The following ADAD1 variants were observed in gnomAD, a reference collection of about 807,000 sequenced individuals.
ADAD1 encodes the protein adenosine deaminase domain containing 1.
A neutral mutation model predicts 66.8 loss-of-function variants in ADAD1; 46 were observed. The ratio of observed to expected loss-of-function variants is 0.69; its 90% CI spans 0.54 to 0.88. The LOEUF is 0.88. ADAD1 is among the 40% of genes least tolerant of loss of function. ADAD1 has a pLI of 0.00. For missense variants in ADAD1, 617 were observed against 681.8 expected (o/e 0.91, Z 1.06); for synonymous variants, 248 against 229.4 (o/e 1.08, Z -0.73).
chr4:122,388,605 A>G (rs1343529967), intron 5 of ADAD1, among the ~76,000 whole-genome samples: 2 of 152,148 alleles, frequency 1.3e-5, no homozygotes, highest in Non-Finnish European at 2.9e-5. Context: ...GGGAGGTTGT[A>G]TGCATCCAGG....
intron 12 of ADAD1, among the ~76,000 whole-genome samples, chr4:122,422,026 C>T (rs1298462979): frequency 6.6e-5 from 10 of 151,332 alleles, no homozygotes; most frequent in East Asian, 3.9e-4. Flanking sequence ...CTCATATATA[C>T]GTATTTGTGT....
chr4:122,396,786 T>C (rs915533457), intron 7 of ADAD1, among the ~76,000 whole-genome samples: 3 of 152,246 alleles, frequency 2.0e-5, no homozygotes, highest in African/African-American at 7.2e-5. Context: ...AGTTCATCAT[T>C]AATTAAAACC....
chr4:122,393,635 A>C lies in ADAD1; in HGVS notation c.576A>C (p.Ala192=). Residue 192 remains alanine, a synonymous_variant, in exon 6 of 13, where the codon GCA becomes GCC. Coordinates refer to ENST00000296513, the MANE Select transcript of ADAD1 (RefSeq NM_139243.4). ...AACCTGTTGTTTTATCTGAACTAGC[A>C]TATGTTTCAAAAGTACATTATGGTA... The part of the protein sequence containing the change: ...PAEPVVLSEL[A]YVSKVHYEGR... 1 of 1,602,828 alleles carries C rather than the reference A, an allele frequency of 6.2e-7. No individual in the cohort carries two copies. Among genetic ancestry groups the C allele is most frequent in the South Asian group, 1.1e-5 (1 of 88,264 alleles).
At chr4:122,403,862 G>A (rs1303979925) in intron 7 of ADAD1, among the ~76,000 whole-genome samples, 1 of 152,076 alleles carries the variant, frequency 6.6e-6, no homozygotes, top group African/African-American at 2.4e-5. Flanking sequence ...CCACGGTGGG[G>A]AATGGCAGGA....
At chr4:122,397,823 T>C (rs1795787057) in intron 7 of ADAD1, among the ~76,000 whole-genome samples, 1 of 152,200 alleles carries the variant, frequency 6.6e-6, no homozygotes, top group African/African-American at 2.4e-5. Flanking sequence ...TAGAAGCTAG[T>C]GTGAAGCTGA....
chr4:122,405,679 C>T (rs748190603), intron 7 of ADAD1, among the ~76,000 whole-genome samples: 3 of 152,168 alleles, frequency 2.0e-5, no homozygotes, highest in Non-Finnish European at 4.4e-5. Context: ...CATTAGGTCT[C>T]CAGGAGTTAT....
chr4:122,418,075 AAAAC>A (rs1394462455), intron 11 of ADAD1, among the ~76,000 whole-genome samples: 1 of 152,136 alleles, frequency 6.6e-6, no homozygotes, highest in African/African-American at 2.4e-5. Context: ...AGAGCTTTAA[AAAAC>A]AAAAAAGTCA....
In ADAD1 at chr4:122,422,979, AG is replaced by A. The variant is rs1233437969; in HGVS notation, c.1617+1590del. Among the ~76,000 whole-genome samples the A allele has an allele frequency of 2.3e-3, 313 of 134,130 alleles. 2 individuals carry two copies. Among genetic ancestry groups the A allele is most frequent in the Non-Finnish European group, 3.5e-3 (220 of 63,626 alleles). The allele number at this position is 134,130 out of a possible 152,430, so 88.0% of individuals were successfully genotyped here. ...TTTAAAAAAAAAAAAAAAAAAAAAAAGAAGAAGAAGAAGAAGAAGGAAAAAC... is the reference window on the plus strand; with the variant it reads ...TTTAAAAAAAAAAAAAAAAAAAAAAAAAGAAGAAGAAGAAGAAGGAAAAAC... On this transcript the variant is annotated intron_variant, in intron 12 of 12. Coordinates refer to ENST00000296513, the MANE Select transcript of ADAD1 (RefSeq NM_139243.4).
intron 11 of ADAD1, among the ~76,000 whole-genome samples, chr4:122,419,370 G>A (rs1356260784): frequency 3.3e-5 from 5 of 152,142 alleles, no homozygotes; most frequent in African/African-American, 1.2e-4. Context: ...ACACAGTGAG[G>A]CCTTTCAGAT....
chr4:122,398,931 A>C (rs1253004162), intron 7 of ADAD1, among the ~76,000 whole-genome samples: 1 of 150,988 alleles, frequency 6.6e-6, no homozygotes, highest in Non-Finnish European at 1.5e-5. Context: ...TTGTCTGATT[A>C]CTCTGCTGAT....
In ADAD1 at chr4:122,380,080, A is replaced by T; in HGVS notation, c.11A>T (p.Asn4Ile). MAS[N>I]NHWFQSSQVP... is the part of the protein sequence containing the mutation. Reference sequence around the variant, plus strand: ...CCTCTAGGTGAGAAAATGGCTAGCAACAATCATTGGTTTCAGAGTTCGCAG... The same window carrying T: ...CCTCTAGGTGAGAAAATGGCTAGCATCAATCATTGGTTTCAGAGTTCGCAG... Residue 4 changes from asparagine to isoleucine, a missense_variant, in exon 3 of 13, where the codon AAC becomes ATC. Physicochemically the swap from Asn to Ile is moderately radical, Grantham distance 149 (BLOSUM62 -3). Coordinates refer to ENST00000296513, the MANE Select transcript of ADAD1 (RefSeq NM_139243.4). 6.2e-7 allele frequency: 1 copy of T among 1,612,254 alleles called. No homozygotes were observed. Among genetic ancestry groups the T allele is most frequent in the East Asian group, 2.2e-5 (1 of 44,880 alleles).
intron 3 of ADAD1, 125 bp downstream of exon 3, chr4:122,380,366 C>T (rs1794833168): frequency 8.6e-7 from 1 of 1,157,562 alleles, no homozygotes; most frequent in Non-Finnish European, 1.2e-6. Context: ...TGGCCGTGTA[C>T]CTGGAGCTGG....
chr4:122,410,489 T>G (rs1273091346), intron 8 of ADAD1, among the ~76,000 whole-genome samples: 1 of 152,186 alleles, frequency 6.6e-6, no homozygotes, highest in African/African-American at 2.4e-5. Flanking sequence ...AAAAAAAAAT[T>G]TGAATTTTAA....
At chr4:122,421,443 TGTG>T (rs747618045) in intron 12 of ADAD1, 53 bp downstream of exon 12, 271 of 1,388,192 alleles carry the variant, frequency 2.0e-4, no homozygotes, top group Non-Finnish European at 2.4e-4. Context: ...AAGACATTAA[TGTG>T]GTCATTTTAA....
intron 5 of ADAD1, among the ~76,000 whole-genome samples, chr4:122,388,676 C>T (rs1795292754): frequency 6.6e-6 from 1 of 152,280 alleles, no homozygotes; most frequent in Admixed American, 6.5e-5. Flanking sequence ...GTAGCATTCT[C>T]TGATGATAGT....
chr4:122,379,249 A>C (rs1302939195), intron 1 of ADAD1, 123 bp from the exon 2 acceptor site: 3 of 152,468 alleles, frequency 2.0e-5, no homozygotes, highest in Non-Finnish European at 4.4e-5. Context: ...AGGAGGCTGA[A>C]CTGCGCGATT....
At chr4:122,405,860 C>G (rs187545870) in intron 7 of ADAD1, among the ~76,000 whole-genome samples, 1 of 152,268 alleles carries the variant, frequency 6.6e-6, no homozygotes, top group African/African-American at 2.4e-5. Context: ...GCTTACTTCA[C>G]TTAACATAAT....
intron 10 of ADAD1, among the ~76,000 whole-genome samples, chr4:122,414,345 A>G (rs1796629715): frequency 6.6e-6 from 1 of 151,302 alleles, no homozygotes. Context: ...CTTTTTAAAA[A>G]TCCTTATTAT....
At chr4:122,405,922 G>C (rs917671964) in intron 7 of ADAD1, among the ~76,000 whole-genome samples, 20 of 152,006 alleles carry the variant, frequency 1.3e-4, no homozygotes, top group South Asian at 6.2e-4. Context: ...TCTTCTTTTT[G>C]GGGGGGCTGA....
Sources: gnomAD v4.1 joint callset for allele counts (sites outside exome capture counted in the v4.1 genomes callset) on GRCh38, gnomAD v4.1.1 for gene constraint, MANE v1.5 for transcripts, NCBI Gene and HGNC (gene_info 2026-07-23, HGNC 2026-07-21) for gene names.